Variants in GTF2A1L observed in about 807,000 individuals in gnomAD.
GTF2A1L encodes the protein general transcription factor IIA subunit 1 like, also known as TFIIA-alpha and beta-like factor.
Under a neutral mutation model 49.7 loss-of-function variants are expected in GTF2A1L, and 48 were observed. The ratio of observed to expected loss-of-function variants is 0.97; its 90% CI spans 0.77 to 1.23. The LOEUF is 1.23. Ranked by LOEUF, GTF2A1L falls within the 50% of genes most tolerant of loss-of-function variation. The pLI is 0.00. For missense variants in GTF2A1L, 736 were observed against 564.8 expected, an observed-to-expected ratio of 1.30 and a Z score of -3.07; for synonymous variants, 246 against 193.5, an observed-to-expected ratio of 1.27 and a Z score of -2.25.
intron 6 of GTF2A1L, among the ~76,000 whole-genome samples, chr2:48,664,365 A>G (rs1041422943): frequency 1.3e-5 from 2 of 150,640 alleles, no homozygotes; most frequent in African/African-American, 2.4e-5. Context: ...TTTCCCCTCT[A>G]TTGAAATAAA....
chr2:48,637,906 C>T (rs1343675933), intron 3 of GTF2A1L, among the ~76,000 whole-genome samples: 1 of 151,962 alleles, frequency 6.6e-6, no homozygotes, highest in Non-Finnish European at 1.5e-5. Context: ...TTACCACTGA[C>T]CCCACAGAAA....
chr2:48,633,946 A>G (rs1379732244), intron 3 of GTF2A1L, among the ~76,000 whole-genome samples: 1 of 151,508 alleles, frequency 6.6e-6, no homozygotes, highest in Non-Finnish European at 1.5e-5. Flanking sequence ...AATAATAGTG[A>G]CCTCTGCTCT....
At position 48,646,938 on chromosome 2, in the gene GTF2A1L, A is replaced by C. The variant is rs1677551886; in HGVS notation, c.874A>C (p.Thr292Pro). Residue 292 changes from threonine to proline, a missense_variant, in exon 6 of 9, where the codon ACT becomes CCT. Physicochemically the swap from Thr to Pro is conservative, Grantham distance 38. Transcript: ENST00000403751. The stretch of plus-strand genomic sequence containing the variant: ...TCATGGGGCTCTCCACCAGCACGTG[A>C]CTGATATTCAGCTTCATATTCTTAA... Reference protein sequence around the residue: ...SPHGALHQHVTDIQLHILKNR... With the variant: ...SPHGALHQHVPDIQLHILKNR... 6.2e-7 allele frequency: 1 copy of C among 1,614,184 alleles called. No individual in the cohort carries two copies. The highest frequency in any genetic ancestry group is 8.5e-7 in the Non-Finnish European group (1 of 1,180,040).
intron 3 of GTF2A1L, among the ~76,000 whole-genome samples, chr2:48,626,583 T>G (rs912262310): frequency 7.0e-6 from 1 of 143,604 alleles, no homozygotes. Context: ...GTACATATCT[T>G]TTTTTTTGAG....
At position 48,618,957 on chromosome 2, in the gene GTF2A1L, G is replaced by A. The variant is rs111624632; in HGVS notation, c.21+1062G>A. Among the ~76,000 whole-genome samples, 367 of 152,100 alleles carry A rather than the reference G, an allele frequency of 2.4e-3. 3 individuals carry two copies. The highest frequency in any genetic ancestry group is 8.6e-3 in the African/African-American group (356 of 41,494). On this transcript the variant is annotated intron_variant, in intron 1 of 8. Coordinates refer to ENST00000403751, the MANE Select transcript of GTF2A1L (RefSeq NM_006872.5). ...TTTAGACCTAAGAGTTTTTTCCTTC[G>A]GTGTTAAGCGTGATCACACTAGCTG...
intron 8 of GTF2A1L, among the ~76,000 whole-genome samples, chr2:48,677,115 T>G (rs1558781593): frequency 6.6e-6 from 1 of 151,952 alleles, no homozygotes; most frequent in Non-Finnish European, 1.5e-5. Flanking sequence ...ATTTAATTAT[T>G]AAGATTTTTA....
At chr2:48,675,127 A>G (rs181329866) in intron 8 of GTF2A1L, among the ~76,000 whole-genome samples, 1 of 152,212 alleles carries the variant, frequency 6.6e-6, no homozygotes, top group South Asian at 2.1e-4. Context: ...AAGTGAATTG[A>G]AAGAACTTTC....
intron 3 of GTF2A1L, among the ~76,000 whole-genome samples, chr2:48,641,371 G>C (rs949996973): frequency 3.3e-5 from 5 of 152,106 alleles, no homozygotes; most frequent in Non-Finnish European, 5.9e-5. Flanking sequence ...TAACGTGGAA[G>C]GAATGGTTAG....
At chr2:48,638,229 G>C (rs1677009804) in intron 3 of GTF2A1L, among the ~76,000 whole-genome samples, 1 of 152,138 alleles carries the variant, frequency 6.6e-6, no homozygotes, top group African/African-American at 2.4e-5. Flanking sequence ...AGCTAATTCT[G>C]TGAGGCCAGC....
At chr2:48,652,974 A>G (rs1677946993) in intron 6 of GTF2A1L, among the ~76,000 whole-genome samples, 1 of 152,020 alleles carries the variant, frequency 6.6e-6, no homozygotes, top group Non-Finnish European at 1.5e-5. Flanking sequence ...TCACGCCTGT[A>G]ATCCCAGCAC....
At chr2:48,640,980 C>T (rs1459104934) in intron 3 of GTF2A1L, among the ~76,000 whole-genome samples, 1 of 152,184 alleles carries the variant, frequency 6.6e-6, no homozygotes, top group South Asian at 2.1e-4. Flanking sequence ...ATTCCAATGT[C>T]TATAAAGAAA....
intron 5 of GTF2A1L, among the ~76,000 whole-genome samples, chr2:48,646,217 A>T (rs1206993254): frequency 6.6e-6 from 1 of 152,012 alleles, no homozygotes; most frequent in African/African-American, 2.4e-5. Context: ...ATTGTGGGAA[A>T]AGTCTGGAAT....
intron 3 of GTF2A1L, among the ~76,000 whole-genome samples, chr2:48,624,762 G>GT (rs60667688): frequency 2.9e-5 from 4 of 137,766 alleles, no homozygotes; most frequent in Non-Finnish European, 3.2e-5. Flanking sequence ...TGTATTTGTG[G>GT]TTTTTTTTTT....
chr2:48,644,627 G>T (rs1448517295), intron 4 of GTF2A1L, among the ~76,000 whole-genome samples: 1 of 152,052 alleles, frequency 6.6e-6, no homozygotes, highest in Non-Finnish European at 1.5e-5. Context: ...CTCCAAAAGG[G>T]TTGTACCAAT....
chr2:48,659,651 T>G (rs1678378565), intron 6 of GTF2A1L, among the ~76,000 whole-genome samples: 1 of 152,098 alleles, frequency 6.6e-6, no homozygotes, highest in Admixed American at 6.5e-5. Context: ...CTTTCAGCAA[T>G]TTTTGTTGTT....
chr2:48,661,673 T>C (rs1316462677), intron 6 of GTF2A1L, among the ~76,000 whole-genome samples: 1 of 150,720 alleles, frequency 6.6e-6, no homozygotes, highest in African/African-American at 2.4e-5. Flanking sequence ...CCTTTTTAAA[T>C]AACAGTTTTT....
chr2:48,642,860 GAA>G lies in GTF2A1L; in HGVS notation c.303+415_303+416del, dbSNP rs77250826. Among the ~76,000 whole-genome samples the G allele has an allele frequency of 6.6e-4, 94 of 143,090 alleles. 1 individual carries two copies. Among genetic ancestry groups the G allele is most frequent in the South Asian group, 2.8e-3 (13 of 4,576 alleles). The allele number at this position is 143,090 out of a possible 152,430, so 93.9% of individuals were successfully genotyped here. Reference sequence around the variant, plus strand: ...GACAAGAACAAAATTCTGTCTCAAAGAAAAAAAAAAAAAGATGTGGTAAAGAG... The same window carrying G: ...GACAAGAACAAAATTCTGTCTCAAAGAAAAAAAAAAAGATGTGGTAAAGAG... On this transcript the variant is annotated intron_variant, in intron 4 of 8. Coordinates refer to ENST00000403751, the MANE Select transcript of GTF2A1L (RefSeq NM_006872.5).
At chr2:48,659,928 CA>C (rs1252036334) in intron 6 of GTF2A1L, among the ~76,000 whole-genome samples, 1 of 152,068 alleles carries the variant, frequency 6.6e-6, no homozygotes, top group Non-Finnish European at 1.5e-5. Flanking sequence ...CATCTGTAAA[CA>C]GAGATAATTT....
chr2:48,646,662 C>G lies in GTF2A1L; in HGVS notation c.598C>G (p.Leu200Val). 1 of 1,614,124 alleles carries G rather than the reference C, an allele frequency of 6.2e-7. No individual in the cohort carries two copies. The highest frequency in any genetic ancestry group is 8.5e-7 in the Non-Finnish European group (1 of 1,180,016). The change falls in exon 6 of 9, where the codon CTA becomes GTA. Residue 200 changes from leucine to valine, a missense_variant. By Grantham distance (32) the Leu-to-Val change is conservative. Coordinates refer to ENST00000403751, the MANE Select transcript of GTF2A1L (RefSeq NM_006872.5). ...IETVLQQPAILPSGPVDRKHL... is the reference protein window; with the variant it reads ...IETVLQQPAIVPSGPVDRKHL... Reference sequence around the variant, plus strand: ...AACCGTGCTACAGCAACCCGCAATTCTACCTTCTGGGCCAGTAGATAGGAA... The same window carrying G: ...AACCGTGCTACAGCAACCCGCAATTGTACCTTCTGGGCCAGTAGATAGGAA...
Sources: gnomAD v4.1 joint callset for allele counts (sites outside exome capture counted in the v4.1 genomes callset) on GRCh38, gnomAD v4.1.1 for gene constraint, MANE v1.5 for transcripts, NCBI Gene and HGNC (gene_info 2026-07-23, HGNC 2026-07-21) for gene names.